RASAL2: variants seen among roughly 807,000 people sequenced by gnomAD.
The protein encoded by RASAL2 is ras GTPase-activating protein nGAP.
In RASAL2, 58 loss-of-function variants were observed where a neutral mutation model predicts 128.9. That is an observed-to-expected ratio of 0.45 (90% CI 0.36 to 0.56). RASAL2 has a LOEUF of 0.56. RASAL2 is among the 20% of genes least tolerant of loss of function. The pLI is 0.00. For missense variants in RASAL2, 1,360 were observed against 1,601.6 expected, an observed-to-expected ratio of 0.85 and a Z score of 2.57; for synonymous variants, 561 against 580.8, an observed-to-expected ratio of 0.97 and a Z score of 0.49.
intron 4 of RASAL2, among the ~76,000 whole-genome samples, chr1:178,394,737 A>C (rs1396343151): frequency 6.6e-6 from 1 of 152,228 alleles, no homozygotes; most frequent in African/African-American, 2.4e-5. Context: ...ATGCCAAGAC[A>C]TCCAGAAAGC....
At chr1:178,272,356 A>G (rs1666300939) in intron 1 of RASAL2, among the ~76,000 whole-genome samples, 1 of 152,196 alleles carries the variant, frequency 6.6e-6, no homozygotes, top group Non-Finnish European at 1.5e-5. Context: ...GCAAATAATT[A>G]TATAATTCTC....
In RASAL2 at chr1:178,474,347, G is replaced by A. The variant is rs1450440966; in HGVS notation, c.*1108G>A. ...ATCCATTGTACTAGCAAATCTATGG[G>A]GGGTAATTTTATCTCCATCTTTAAC... On this transcript the variant is annotated 3_prime_UTR_variant, in exon 18 of 18. Transcript: ENST00000367649. 1 of 152,242 alleles carries A rather than the reference G, an allele frequency of 6.6e-6. No individual in the cohort carries two copies. Among genetic ancestry groups the A allele is most frequent in the Admixed American group, 6.5e-5 (1 of 15,270 alleles). 9.4% of individuals were successfully genotyped at this position (152,242 alleles called of 1,614,324 possible). A position where few individuals can be genotyped will look rare whatever the true frequency, so the allele number is the denominator to read the frequency against.
intron 4 of RASAL2, among the ~76,000 whole-genome samples, chr1:178,405,911 G>A (rs919750124): frequency 6.6e-6 from 1 of 152,028 alleles, no homozygotes. Context: ...TAACATTAGG[G>A]GAAGCTGGGC....
At chr1:178,277,726 A>G (rs538429793) in intron 1 of RASAL2, among the ~76,000 whole-genome samples, 2 of 152,186 alleles carry the variant, frequency 1.3e-5, no homozygotes, top group Non-Finnish European at 2.9e-5. Flanking sequence ...TTTCTCTTTT[A>G]GTGTATTAAG....
intron 1 of RASAL2, among the ~76,000 whole-genome samples, chr1:178,127,555 T>G (rs1450282782): frequency 6.6e-6 from 1 of 152,148 alleles, no homozygotes; most frequent in Admixed American, 6.6e-5. Flanking sequence ...GAGCCTGTCT[T>G]TTTTGAAACC....
At chr1:178,188,294 A>G (rs1421192000) in intron 1 of RASAL2, among the ~76,000 whole-genome samples, 1 of 152,056 alleles carries the variant, frequency 6.6e-6, no homozygotes, top group Non-Finnish European at 1.5e-5. Flanking sequence ...CCTCAAATTC[A>G]TTGAGGCCAT....
intron 4 of RASAL2, among the ~76,000 whole-genome samples, chr1:178,418,748 G>C (rs1674943457): frequency 6.6e-6 from 1 of 152,166 alleles, no homozygotes; most frequent in East Asian, 1.9e-4. Flanking sequence ...GTACCTGGTA[G>C]TACTATATAT....
intron 1 of RASAL2, among the ~76,000 whole-genome samples, chr1:178,118,499 A>G (rs752639545): frequency 3.3e-5 from 5 of 152,060 alleles, no homozygotes; most frequent in East Asian, 3.9e-4. Flanking sequence ...AGTTGATCCT[A>G]TTCTAGCATG....
At chr1:178,389,318 T>C (rs1672759186) in intron 3 of RASAL2, 3 of 945,796 alleles carry the variant, frequency 3.2e-6, no homozygotes, top group African/African-American at 1.8e-5. Flanking sequence ...GTATAATACG[T>C]ATATATCTAT....
At chr1:178,144,807 AT>A (rs547347807) in intron 1 of RASAL2, among the ~76,000 whole-genome samples, 2 of 152,158 alleles carry the variant, frequency 1.3e-5, no homozygotes, top group Non-Finnish European at 2.9e-5. Context: ...ATTCTAGGAG[AT>A]TTGCCCATGG....
chr1:178,242,225 A>G (rs1054898410), intron 1 of RASAL2, among the ~76,000 whole-genome samples: 2 of 152,002 alleles, frequency 1.3e-5, no homozygotes, highest in African/African-American at 2.4e-5. Flanking sequence ...TGAATATTGG[A>G]TGGTGTTCTA....
chr1:178,259,988 T>TTACAATGATCTTACA, intron 1 of RASAL2, among the ~76,000 whole-genome samples: 1 of 152,118 alleles, frequency 6.6e-6, no homozygotes, highest in Non-Finnish European at 1.5e-5. Flanking sequence ...ATTTTAGACC[T>TTACAATGATCTTACA]AATGATCTTA....
intron 17 of RASAL2, 30 bp from the exon 18 acceptor site, chr1:178,473,045 C>G: frequency 6.2e-7 from 1 of 1,611,536 alleles, no homozygotes; most frequent in Non-Finnish European, 8.5e-7. Context: ...TGCCTGTAGC[C>G]TGAATAAAGC....
intron 5 of RASAL2, among the ~76,000 whole-genome samples, chr1:178,437,707 C>T (rs531484491): frequency 1.1e-3 from 164 of 152,100 alleles, no homozygotes; most frequent in African/African-American, 3.8e-3. Context: ...GTCCAGTTTC[C>T]TTAATCAGGC....
At chr1:178,148,042 G>T (rs1031464846) in intron 1 of RASAL2, among the ~76,000 whole-genome samples, 1 of 152,104 alleles carries the variant, frequency 6.6e-6, no homozygotes, top group African/African-American at 2.4e-5. Flanking sequence ...CTGCACTCCA[G>T]CCTGGGCAGC....
intron 1 of RASAL2, among the ~76,000 whole-genome samples, chr1:178,184,972 T>A (rs1331009819): frequency 6.6e-6 from 1 of 152,080 alleles, no homozygotes; most frequent in Non-Finnish European, 1.5e-5. Context: ...TAGATCTTCT[T>A]TGGTTTCTTT....
intron 1 of RASAL2, among the ~76,000 whole-genome samples, chr1:178,107,285 C>T (rs1280726073): frequency 6.6e-6 from 1 of 152,022 alleles, no homozygotes; most frequent in Non-Finnish European, 1.5e-5. Flanking sequence ...AAATGTATTA[C>T]AAGCATTTTT....
At chr1:178,453,904 A>G (rs1677574117) in intron 11 of RASAL2, among the ~76,000 whole-genome samples, 1 of 152,114 alleles carries the variant, frequency 6.6e-6, no homozygotes, top group Non-Finnish European at 1.5e-5. Context: ...ATATAAGCCA[A>G]TGCAGAAATA....
At chr1:178,284,338 T>G (rs988007646) in intron 2 of RASAL2, among the ~76,000 whole-genome samples, 4 of 152,352 alleles carry the variant, frequency 2.6e-5, no homozygotes, top group Admixed American at 2.6e-4. Context: ...CCAACTCTTT[T>G]CTTCTGCCTT....
Sources: gnomAD v4.1 joint callset for allele counts (sites outside exome capture counted in the v4.1 genomes callset) on GRCh38, gnomAD v4.1.1 for gene constraint, MANE v1.5 for transcripts, NCBI Gene and HGNC (gene_info 2026-07-23, HGNC 2026-07-21) for gene names.